The following EXOC6 variants were observed in gnomAD, a reference collection of about 807,000 sequenced individuals.
EXOC6 encodes the protein exocyst complex component 6.
EXOC6 carries 60 observed loss-of-function variants against 112.5 expected under a neutral mutation model. The observed-to-expected ratio is 0.53, with a 90% CI of 0.43 to 0.66. The LOEUF is 0.66. Among genes scored for constraint, EXOC6 ranks in the 30% least tolerant of loss-of-function variants. The pLI is 0.00. For missense variants in EXOC6, 855 were observed against 957.1 expected, an observed-to-expected ratio of 0.89 and a Z score of 1.41; for synonymous variants, 295 against 308.0, an observed-to-expected ratio of 0.96 and a Z score of 0.44.
intron 8 of EXOC6, among the ~76,000 whole-genome samples, chr10:92,923,161 A>G (rs535547521): frequency 2.2e-4 from 33 of 152,296 alleles, no homozygotes; most frequent in African/African-American, 7.5e-4. Context: ...ACACTGAGGT[A>G]TAACTTATGC....
chr10:92,984,942 T>C (rs1260960167), intron 18 of EXOC6, among the ~76,000 whole-genome samples: 1 of 152,078 alleles, frequency 6.6e-6, no homozygotes, highest in East Asian at 1.9e-4. Context: ...TAGGCTGCAG[T>C]GAGCCATGAT....
intron 17 of EXOC6, among the ~76,000 whole-genome samples, chr10:92,956,498 AT>A (rs1057403193): frequency 3.3e-5 from 5 of 152,154 alleles, no homozygotes; most frequent in Admixed American, 6.5e-5. Flanking sequence ...ATTGTAAAAA[AT>A]GAATGTACTT....
intron 1 of EXOC6, among the ~76,000 whole-genome samples, chr10:92,854,388 A>G (rs1422110728): frequency 6.6e-6 from 1 of 151,662 alleles, no homozygotes; most frequent in African/African-American, 2.4e-5. Context: ...ATGAGCCGAG[A>G]TTGTGCCAAT....
intron 18 of EXOC6, among the ~76,000 whole-genome samples, chr10:92,986,790 A>G (rs1825138464): frequency 6.6e-6 from 1 of 151,026 alleles, no homozygotes; most frequent in African/African-American, 2.4e-5. Context: ...AGTTTAATTA[A>G]TTCTTATTAT....
intron 12 of EXOC6, among the ~76,000 whole-genome samples, chr10:92,939,649 A>G (rs564827373): frequency 6.6e-6 from 1 of 152,220 alleles, no homozygotes; most frequent in Non-Finnish European, 1.5e-5. Context: ...GCAGATTTGA[A>G]GTAATCATCA....
intron 20 of EXOC6, among the ~76,000 whole-genome samples, chr10:93,016,967 C>G (rs554510968): frequency 6.7e-6 from 1 of 150,188 alleles, no homozygotes; most frequent in African/African-American, 2.5e-5. Flanking sequence ...CGTGTGCCAC[C>G]AAGCCCAGCT....
intron 7 of EXOC6, among the ~76,000 whole-genome samples, chr10:92,917,698 A>G (rs1851182526): frequency 6.6e-6 from 1 of 151,906 alleles, no homozygotes; most frequent in Admixed American, 6.6e-5. Context: ...GCTAATTAAA[A>G]AAAAAAAATT....
rs368595650 is a variant in EXOC6, at chr10:92,909,584, A to G, written c.616A>G (p.Ser206Gly). 64 of 1,612,840 alleles carry G rather than the reference A, an allele frequency of 4.0e-5. No individual in the cohort carries two copies. The highest frequency in any genetic ancestry group is 5.2e-5 in the Non-Finnish European group (61 of 1,179,362). ...GTCTGATCTCAAAGACTTTTTGGAA[A>G]GTATTCGAAAACATTCTGACAAAAT... is the stretch of plus-strand genomic sequence containing the variant. ...SMSDLKDFLE[S>G]IRKHSDKIGE... Residue 206 changes from serine (S) to glycine (G), a missense_variant, in exon 6 of 22, where the codon AGT becomes GGT. Around this residue, in one of 2 missense-constraint regions of EXOC6, gnomAD observed 405 missense variants for 393.6 expected, o/e 1.03. Transcript: ENST00000260762.
At chr10:92,917,046 C>A (rs2133896329) in intron 7 of EXOC6, among the ~76,000 whole-genome samples, 1 of 151,896 alleles carries the variant, frequency 6.6e-6, no homozygotes, top group Non-Finnish European at 1.5e-5. Flanking sequence ...TCACTGCAAC[C>A]TCTGCCTCCT....
chr10:92,879,324 C>T, intron 1 of EXOC6, among the ~76,000 whole-genome samples: 1 of 152,072 alleles, frequency 6.6e-6, no homozygotes, highest in East Asian at 1.9e-4. Flanking sequence ...AGAAAATTAG[C>T]TGGGCATGGT....
intron 13 of EXOC6, 93 bp downstream of exon 13, chr10:92,940,917 C>G (rs956956272): frequency 1.2e-6 from 1 of 835,058 alleles, no homozygotes; most frequent in African/African-American, 1.7e-5. Flanking sequence ...TGCTTATAAT[C>G]ATTTTTATTG....
At chr10:92,915,672 A>T (rs1242324213) in intron 6 of EXOC6, 86 bp from the exon 7 acceptor site, 3 of 925,050 alleles carry the variant, frequency 3.2e-6, no homozygotes, top group East Asian at 6.2e-5. Context: ...TTAAAAAGAT[A>T]AAAAAAAACT....
intron 8 of EXOC6, among the ~76,000 whole-genome samples, chr10:92,920,285 C>T (rs1031009319): frequency 6.6e-6 from 1 of 152,090 alleles, no homozygotes; most frequent in Non-Finnish European, 1.5e-5. Flanking sequence ...CCATTTCTCC[C>T]TATTGCCTTT....
chr10:92,869,490 T>C (rs1416588094), intron 1 of EXOC6, among the ~76,000 whole-genome samples: 1 of 152,056 alleles, frequency 6.6e-6, no homozygotes, highest in Non-Finnish European at 1.5e-5. Flanking sequence ...TATTTTTCCT[T>C]GTAGAGGCAG....
chr10:92,831,983 T>G (rs1403683327), upstream of EXOC6, among the ~76,000 whole-genome samples: 2 of 152,332 alleles, frequency 1.3e-5, no homozygotes, highest in East Asian at 3.9e-4. Context: ...AACCATGTGA[T>G]ATTTAGAACT....
intron 18 of EXOC6, among the ~76,000 whole-genome samples, 198 bp downstream of exon 18, chr10:92,974,430 A>C (rs1297871451): frequency 6.6e-6 from 1 of 151,480 alleles, no homozygotes; most frequent in Non-Finnish European, 1.5e-5. Flanking sequence ...TAACCAAAAT[A>C]ACTGTAACTC....
chr10:93,037,917 G>A (rs188637171), intron 20 of EXOC6, among the ~76,000 whole-genome samples: 1,938 of 150,778 alleles, frequency 0.013, 43 homozygotes, highest in African/African-American at 0.045. Context: ...GCGGGCGCCC[G>A]TAATCCCAGC....
chr10:92,970,643 CT>C (rs1252382729), intron 17 of EXOC6, among the ~76,000 whole-genome samples: 1 of 152,150 alleles, frequency 6.6e-6, no homozygotes, highest in Non-Finnish European at 1.5e-5. Context: ...TTTATTTTTA[CT>C]TTCTTCTGTA....
rs766807258 is a variant in EXOC6, at chr10:92,909,494, C to T, written c.526C>T (p.Arg176Trp). ...NVYFPWVSQY[R>W]FCQLMIENLP... ...GTACTTTCCCTGGGTTAGTCAATACCGGTTTTGTCAGCTCATGATAGAAAA... is the reference window on the plus strand; with the variant it reads ...GTACTTTCCCTGGGTTAGTCAATACTGGTTTTGTCAGCTCATGATAGAAAA... The change falls in exon 6 of 22, where the codon CGG becomes TGG. Residue 176 changes from arginine to tryptophan, a missense_variant. Around this residue, in one of 2 missense-constraint regions of EXOC6, gnomAD observed 405 missense variants for 393.6 expected, o/e 1.03. Coordinates refer to ENST00000260762, the MANE Select transcript of EXOC6 (RefSeq NM_019053.6). The T allele has an allele frequency of 1.1e-5, 17 of 1,613,306 alleles. No homozygotes were observed. The highest frequency in any genetic ancestry group is 5.0e-5 in the Admixed American group (3 of 59,966).
Sources: allele counts gnomAD v4.1 joint callset (sites outside exome capture counted in the v4.1 genomes callset), GRCh38; gene constraint gnomAD v4.1.1; regional missense constraint gnomAD v4.1.1; transcripts MANE v1.5; gene names NCBI Gene and HGNC (gene_info 2026-07-23, HGNC 2026-07-21).